LRRC37A2: variants seen among roughly 807,000 people sequenced by gnomAD.
LRRC37A2 encodes leucine rich repeat containing 37 member A2.
LRRC37A2 carries 9 observed loss-of-function variants against 68.8 expected under a neutral mutation model. That is an observed-to-expected ratio of 0.13 (90% confidence interval 0.08 to 0.23). LRRC37A2 has a LOEUF of 0.23. Among genes scored for constraint, LRRC37A2 ranks in the 10% least tolerant of loss-of-function variants. The probability of loss-of-function intolerance (pLI) is 1.00; values close to 1 mark genes in which losing one functional copy is unlikely to be tolerated. For missense variants in LRRC37A2, 168 were observed against 950.4 expected (o/e 0.18, Z 10.82); for synonymous variants, 63 against 367.6 (o/e 0.17, Z 9.48).
chr17:46,992,371 A>G, the LRRC37A2 span, among the ~76,000 whole-genome samples: 161 of 151,280 alleles, frequency 1.1e-3, no homozygotes, highest in African/African-American at 3.7e-3. Context: ...CCGTCTCGGG[A>G]AAAAAAAATG....
the LRRC37A2 span, among the ~76,000 whole-genome samples, chr17:46,781,679 T>G: frequency 2.0e-5 from 3 of 152,174 alleles, no homozygotes; most frequent in East Asian, 5.8e-4. Context: ...AGCATTGGAA[T>G]GTACTTAATG....
chr17:46,488,660 G>T, the LRRC37A2 span, among the ~76,000 whole-genome samples: 1 of 130,646 alleles, frequency 7.7e-6, no homozygotes, highest in Non-Finnish European at 1.6e-5. Context: ...AGCCAAGATC[G>T]CACCACTGCA....
the LRRC37A2 span, among the ~76,000 whole-genome samples, chr17:46,898,462 C>T: frequency 6.6e-6 from 1 of 152,228 alleles, no homozygotes; most frequent in African/African-American, 2.4e-5. Context: ...CTGTTCTCTG[C>T]CCACCCTGGC....
At chr17:46,937,511 A>G in the LRRC37A2 span, 2 of 152,340 alleles carry the variant, frequency 1.3e-5, no homozygotes, top group African/African-American at 2.4e-5. Context: ...GGGCAATTGT[A>G]TCAGCCTTTG....
chr17:46,999,293 T>A, the LRRC37A2 span, among the ~76,000 whole-genome samples: 1 of 152,112 alleles, frequency 6.6e-6, no homozygotes, highest in South Asian at 2.1e-4. Flanking sequence ...GAAGATGAGA[T>A]GACGCCCTTC....
chr17:46,810,021 T>TTTTC, the LRRC37A2 span, among the ~76,000 whole-genome samples: 4 of 149,974 alleles, frequency 2.7e-5, no homozygotes, highest in African/African-American at 9.9e-5. Context: ...TTTTTTTTTT[T>TTTTC]TTGAGACAGA....
the LRRC37A2 span, among the ~76,000 whole-genome samples, chr17:47,000,021 A>ATAACATAACATAAC: frequency 1.1e-4 from 2 of 18,834 alleles, no homozygotes; most frequent in African/African-American, 1.9e-4. Flanking sequence ...AATAAAATAA[A>ATAACATAACATAAC]ATAAAATAAA....
chr17:46,919,864 T>C, the LRRC37A2 span, among the ~76,000 whole-genome samples: 2 of 152,116 alleles, frequency 1.3e-5, no homozygotes, highest in African/African-American at 2.4e-5. Context: ...GGAGAATTGC[T>C]TGAACCCAGG....
At chr17:46,804,838 C>G in the LRRC37A2 span, among the ~76,000 whole-genome samples, 9 of 152,088 alleles carry the variant, frequency 5.9e-5, no homozygotes, top group Non-Finnish European at 1.2e-4. Flanking sequence ...GTAAAATGGA[C>G]CAATCAGCAC....
At chr17:46,583,364 C>T in the LRRC37A2 span, among the ~76,000 whole-genome samples, 16 of 77,784 alleles carry the variant, frequency 2.1e-4, 5 homozygotes, top group African/African-American at 5.5e-4. Flanking sequence ...GGCACAACCT[C>T]GGCTCACTGC....
At chr17:47,027,424 C>G in the LRRC37A2 span, 1 of 540,616 alleles carries the variant, frequency 1.8e-6, no homozygotes, top group African/African-American at 1.9e-5. Context: ...CTGGAAAGTT[C>G]AAATACAAGT....
the LRRC37A2 span, among the ~76,000 whole-genome samples, chr17:46,760,592 C>T: frequency 6.7e-6 from 1 of 149,570 alleles, no homozygotes; most frequent in Non-Finnish European, 1.5e-5. Context: ...CATGATCACA[C>T]CACTGTACTC....
At chr17:46,759,262 G>A in the LRRC37A2 span, among the ~76,000 whole-genome samples, 4 of 152,220 alleles carry the variant, frequency 2.6e-5, no homozygotes, top group Non-Finnish European at 5.9e-5. Context: ...AAGCAGGTAA[G>A]TTGCAGAATT....
At chr17:46,926,004 G>A in the LRRC37A2 span, among the ~76,000 whole-genome samples, 342 of 152,336 alleles carry the variant, frequency 2.2e-3, 3 homozygotes, top group African/African-American at 7.6e-3. Context: ...TCCAAGATCA[G>A]TCTCCTGTCC....
chr17:46,900,346 G>C, the LRRC37A2 span, among the ~76,000 whole-genome samples: 1 of 151,646 alleles, frequency 6.6e-6, no homozygotes, highest in Non-Finnish European at 1.5e-5. Flanking sequence ...TGCCTCCCGG[G>C]TTCAAGAGAT....
At chr17:46,709,244 A>C in the LRRC37A2 span, among the ~76,000 whole-genome samples, 1 of 152,214 alleles carries the variant, frequency 6.6e-6, no homozygotes, top group Non-Finnish European at 1.5e-5. Flanking sequence ...AATCATTTTC[A>C]AAAGTAACTC....
the LRRC37A2 span, among the ~76,000 whole-genome samples, chr17:46,729,446 G>A: frequency 3.2e-4 from 49 of 152,240 alleles, no homozygotes; most frequent in African/African-American, 1.0e-3. Context: ...TTATAGCCAG[G>A]ATCTTGATTC....
the LRRC37A2 span, among the ~76,000 whole-genome samples, chr17:46,914,650 CAAAAAAAAAA>C: frequency 5.5e-5 from 4 of 72,504 alleles, no homozygotes; most frequent in African/African-American, 1.2e-4. Flanking sequence ...GACTCCACCT[CAAAAAAAAAA>C]AAAAAAAAAA....
the LRRC37A2 span, among the ~76,000 whole-genome samples, chr17:46,724,433 C>G: frequency 6.6e-6 from 1 of 152,170 alleles, no homozygotes; most frequent in Non-Finnish European, 1.5e-5. Flanking sequence ...ACATCTGATT[C>G]CATGATAGCC....
Sources: allele counts gnomAD v4.1 joint callset (sites outside exome capture counted in the v4.1 genomes callset), GRCh38; gene constraint gnomAD v4.1.1; transcripts MANE v1.5; gene names NCBI Gene and HGNC (gene_info 2026-07-23, HGNC 2026-07-21).